Variants in URB1 observed in about 807,000 individuals in gnomAD.
URB1 encodes the protein nucleolar pre-ribosomal-associated protein 1.
URB1 carries 197 observed loss-of-function variants against 242.3 expected under a neutral mutation model. The ratio of observed to expected loss-of-function variants is 0.81; its 90% CI spans 0.72 to 0.91. The LOEUF (loss-of-function observed/expected upper bound fraction) is 0.91, where lower values mean the gene tolerates loss of function less well. URB1 is among the 40% of genes least tolerant of loss of function. URB1 has a pLI of 0.00. For synonymous variants in URB1, 1,153 were observed against 1,201.8 expected (o/e 0.96, Z 0.84); for missense variants, 2,721 against 2,860.5 (o/e 0.95, Z 1.11).
intron 33 of URB1, 60 bp from the exon 34 acceptor site, chr21:32,322,004 C>T: frequency 1.3e-6 from 2 of 1,531,928 alleles, no homozygotes; most frequent in Non-Finnish European, 1.8e-6. Context: ...CATCTGACAA[C>T]TGTTCAAACA....
chr21:32,389,579 C>A (rs1235729917), intron 1 of URB1, among the ~76,000 whole-genome samples: 1 of 152,180 alleles, frequency 6.6e-6, no homozygotes, highest in Non-Finnish European at 1.5e-5. Context: ...TCCAGAAATT[C>A]TCAGGAGGAG....
chr21:32,342,655 C>CCATACT (rs58166777), intron 24 of URB1, among the ~76,000 whole-genome samples: 1 of 147,004 alleles, frequency 6.8e-6, no homozygotes, highest in Non-Finnish European at 1.5e-5. Flanking sequence ...CCAGGAAGCA[C>CCATACT]TAGTGCCAAC....
chr21:32,352,752 T>A lies in URB1; in HGVS notation c.2571A>T (p.Arg857Ser), dbSNP rs975868613. ...GCTCCGGGATCCAGAGGCTGTAGTA[T>A]CTGTTAAACCGTGAGAGCTGCTGGC... ...PCCQQLSRFN[R>S]YYSLWIPEQA... The change falls in exon 19 of 39, where the codon AGA becomes AGT. Residue 857 changes from arginine to serine, a missense_variant. Coordinates refer to ENST00000382751, the MANE Select transcript of URB1 (RefSeq NM_014825.3). The A allele has an allele frequency of 5.8e-6, 9 of 1,551,526 alleles. No individual in the cohort carries two copies. Among genetic ancestry groups the A allele is most frequent in the African/African-American group, 2.7e-5 (2 of 73,022 alleles).
In URB1 at chr21:32,311,740, T is replaced by G. The variant is rs762530801; in HGVS notation, c.*3178A>C. On this transcript the variant is annotated 3_prime_UTR_variant, in exon 39 of 39. Coordinates refer to ENST00000382751, the MANE Select transcript of URB1 (RefSeq NM_014825.3). ...TGGAGTCACGGCCTCAACCTCCACCTCTGCATCCAGAAGTGCCTGCCGTGC... is the reference window on the plus strand; with the variant it reads ...TGGAGTCACGGCCTCAACCTCCACCGCTGCATCCAGAAGTGCCTGCCGTGC... The G allele has an allele frequency of 6.2e-7, 1 of 1,614,028 alleles. No homozygotes were observed. Among genetic ancestry groups the G allele is most frequent in the Non-Finnish European group, 8.5e-7 (1 of 1,179,988 alleles).
chr21:32,317,515 G>C (rs2032706493), intron 37 of URB1, among the ~76,000 whole-genome samples, 161 bp downstream of exon 37: 1 of 152,150 alleles, frequency 6.6e-6, no homozygotes, highest in South Asian at 2.1e-4. Context: ...AAACTCAAAG[G>C]CTGCCCAGCT....
intron 15 of URB1, among the ~76,000 whole-genome samples, chr21:32,356,214 T>C (rs1197398973): frequency 6.6e-6 from 1 of 152,130 alleles, no homozygotes; most frequent in Admixed American, 6.5e-5. Context: ...AGACTCTGCC[T>C]CTACAGCAAA....
At position 32,361,159 on chromosome 21, in the gene URB1, A is replaced by AAAAGAAAGAAAGAACG; in HGVS notation, c.1640-37_1640-36insCGTTCTTTCTTTCTTT. On this transcript the variant is annotated intron_variant, in intron 12 of 38. Transcript: ENST00000382751. ...AAAAGAAAAAGAAAGAAAAAGAGAA[A>AAAAGAAAGAAAGAACG]AAAGAAAGAAAGAAAGAAAGAAAGA... 1.5e-5 allele frequency: 4 copies of AAAAGAAAGAAAGAACG among 268,418 alleles called. No homozygotes were observed. The South Asian group carries it at 1.9e-4, about 13-fold the overall frequency. 16.6% of individuals were successfully genotyped at this position (268,418 alleles called of 1,614,324 possible).
chr21:32,361,946 T>C lies in URB1; in HGVS notation c.1585A>G (p.Lys529Glu), dbSNP rs1266080547. 4 of 1,551,484 alleles carry C rather than the reference T, an allele frequency of 2.6e-6. No individual in the cohort carries two copies. Among genetic ancestry groups the C allele is most frequent in the Admixed American group, 3.9e-5 (2 of 50,978 alleles). Residue 529 changes from lysine (K) to glutamate (E), a missense_variant, in exon 12 of 39, where the codon AAA becomes GAA. Lys to Glu is a moderately conservative substitution (Grantham distance 56, BLOSUM62 1). Transcript: ENST00000382751. ...KKQETKQDDK[K>E]GQKRSDGPPA... ...GGCCCATCGCTCCTTTTCTGCCCTT[T>C]CTTGTCATCCTGTTTGGTCTCTTGC...
Position 32,325,303 on chromosome 21 carries a change from G to A in URB1, c.5047C>T (p.Arg1683Ter), listed in dbSNP as rs762606923. The A allele has an allele frequency of 5.8e-6, 9 of 1,551,738 alleles. No homozygotes were observed. The highest frequency in any genetic ancestry group is 2.4e-5 in the East Asian group (1 of 40,924). ...TALSSYDPQM[R>*]AIAYHVLAAY... ...GCCAGGACATGGTAGGCTATGGCTC[G>A]CATCTGGGGGTCATAGCTGCTGAGG... Residue 1683 changes from arginine to a stop codon, truncating the protein, a stop_gained, in exon 31 of 39, where the codon CGA becomes TGA. Coordinates refer to ENST00000382751, the MANE Select transcript of URB1 (RefSeq NM_014825.3). LOFTEE classifies it high-confidence loss of function.
rs1353778239 is a variant in URB1, at chr21:32,349,284, C to G, written c.3012+20G>C. 6.6e-7 allele frequency: 1 copy of G among 1,512,054 alleles called. No homozygotes were observed. The highest frequency in any genetic ancestry group is 2.2e-5 in the Admixed American group (1 of 45,606). 93.7% of individuals were successfully genotyped at this position (1,512,054 alleles called of 1,614,324 possible). A position where few individuals can be genotyped will look rare whatever the true frequency, so the allele number is the denominator to read the frequency against. On this transcript the variant is annotated intron_variant, in intron 21 of 38. Coordinates refer to ENST00000382751, the MANE Select transcript of URB1 (RefSeq NM_014825.3). ...GCCCATGACTCTGAGAATAGGCTAC[C>G]AGGCAACCTGTGGCGGTACCTGATC...
rs2033131017 is a variant in URB1, at chr21:32,349,455, A to T, written c.2861T>A (p.Leu954Gln). 6.4e-7 allele frequency: 1 copy of T among 1,550,782 alleles called. No homozygotes were observed. Among genetic ancestry groups the T allele is most frequent in the Non-Finnish European group, 8.7e-7 (1 of 1,146,760 alleles). The change falls in exon 21 of 39, where the codon CTG becomes CAG. Residue 954 changes from leucine to glutamine, a missense_variant. Coordinates refer to ENST00000382751, the MANE Select transcript of URB1 (RefSeq NM_014825.3). ...CCTGAGGAGATCCAGGAAGAGCTGC[A>T]GGAGGGGCGGGCCCACACTTCTGCC... The part of the protein sequence containing the change: ...QLGRSVGPPL[L>Q]QLFLDLLRRL...
At chr21:32,384,761 C>T (rs2033563555) in intron 2 of URB1, among the ~76,000 whole-genome samples, 1 of 152,042 alleles carries the variant, frequency 6.6e-6, no homozygotes, top group Non-Finnish European at 1.5e-5. Context: ...GTGGGCAGAT[C>T]ACGAGGTCAG....
intron 27 of URB1, 26 bp downstream of exon 27, chr21:32,337,378 A>T (rs906566813): frequency 6.5e-7 from 1 of 1,540,024 alleles, no homozygotes; most frequent in South Asian, 1.2e-5. Flanking sequence ...CCCCCTGCTC[A>T]CACTACCCAG....
chr21:32,320,442 C>A, intron 35 of URB1, 89 bp downstream of exon 35: 1 of 1,008,426 alleles, frequency 9.9e-7, no homozygotes, highest in South Asian at 1.5e-5. Flanking sequence ...TGGACATTTC[C>A]AACCAACAAC....
intron 36 of URB1, among the ~76,000 whole-genome samples, chr21:32,318,241 C>T (rs1375192577): frequency 1.3e-5 from 2 of 152,140 alleles, no homozygotes; most frequent in East Asian, 3.9e-4. Flanking sequence ...GGCTCCACTC[C>T]AGGCCTGCCA....
intron 5 of URB1, among the ~76,000 whole-genome samples, chr21:32,376,602 T>C (rs930007105): frequency 6.6e-6 from 1 of 152,092 alleles, no homozygotes; most frequent in African/African-American, 2.4e-5. Flanking sequence ...CACCCAATCA[T>C]ATATCACTAA....
chr21:32,392,730 C>A (rs985890328), intron 1 of URB1, 39 bp downstream of exon 1: 45 of 1,388,620 alleles, frequency 3.2e-5, no homozygotes, highest in Non-Finnish European at 4.0e-5. Flanking sequence ...GCCTCGCCAG[C>A]CTGTGCTCCC....
At chr21:32,356,529 G>T (rs988147237) in intron 15 of URB1, among the ~76,000 whole-genome samples, 4 of 152,110 alleles carry the variant, frequency 2.6e-5, no homozygotes, top group African/African-American at 9.7e-5. Context: ...AAAGACCCAG[G>T]TAAATGTGTA....
intron 35 of URB1, 142 bp downstream of exon 35, chr21:32,320,389 G>A: frequency 3.1e-6 from 2 of 648,204 alleles, no homozygotes; most frequent in South Asian, 4.0e-5. Flanking sequence ...CAGGCATATG[G>A]TAGCATTGGA....
Sources: gnomAD v4.1 joint callset for allele counts (sites outside exome capture counted in the v4.1 genomes callset) on GRCh38, gnomAD v4.1.1 for gene constraint, MANE v1.5 for transcripts, NCBI Gene and HGNC (gene_info 2026-07-23, HGNC 2026-07-21) for gene names.